Variants in PIK3R4 observed in about 807,000 individuals in gnomAD.
The protein encoded by PIK3R4 is phosphoinositide-3-kinase regulatory subunit 4.
PIK3R4 carries 46 observed loss-of-function variants against 136.5 expected under a neutral mutation model. The ratio of observed to expected loss-of-function variants is 0.34; its 90% CI spans 0.27 to 0.43. The LOEUF (loss-of-function observed/expected upper bound fraction) is 0.43, where lower values mean the gene tolerates loss of function less well. PIK3R4 is among the 20% of genes least tolerant of loss of function. The probability of loss-of-function intolerance (pLI) is 1.00; values close to 1 mark genes in which losing one functional copy is unlikely to be tolerated. For synonymous variants in PIK3R4, 557 were observed against 566.7 expected (o/e 0.98, Z 0.24); for missense variants, 1,331 against 1,649.5 (o/e 0.81, Z 3.35).
At position 130,684,361 on chromosome 3, in the gene PIK3R4, C is replaced by T. The variant is rs2066476730; in HGVS notation, c.3496G>A (p.Ala1166Thr). ...AACTGGAACCTCATGTCCCAACAAG[C>T]CATGGTACCACTGCTTGTACCTTAA... ...LCIGTSSGTM[A>T]CWDMRFQLPI... The change falls in exon 16 of 20, where the codon GCT (alanine) becomes ACT (threonine). Residue 1166 changes from alanine to threonine, a missense_variant. Ala to Thr is a moderately conservative substitution (Grantham distance 58). This residue lies in a region of PIK3R4 where 1,180 missense variants were observed against 1,407.0 expected (regional missense o/e 0.84). Transcript: ENST00000356763. 1.2e-6 allele frequency: 2 copies of T among 1,613,334 alleles called. No individual in the cohort carries two copies. The highest frequency in any genetic ancestry group is 2.2e-5 in the South Asian group (2 of 91,048).
chr3:130,680,855 G>A, intron 18 of PIK3R4, 122 bp downstream of exon 18: 1 of 753,134 alleles, frequency 1.3e-6, no homozygotes, highest in Non-Finnish European at 2.2e-6. Context: ...GCATACCATT[G>A]GTTACAAATA....
intron 14 of PIK3R4, among the ~76,000 whole-genome samples, chr3:130,687,669 C>G (rs1362435585): frequency 6.6e-6 from 1 of 152,158 alleles, no homozygotes; most frequent in East Asian, 1.9e-4. Context: ...ACTATGGATT[C>G]ACAGATATTT....
chr3:130,736,920 G>C (rs1453159705), intron 2 of PIK3R4, among the ~76,000 whole-genome samples: 1 of 152,194 alleles, frequency 6.6e-6, no homozygotes, highest in Admixed American at 6.5e-5. Flanking sequence ...GGAAAAGAGA[G>C]ATAACTCTCG....
At chr3:130,718,563 A>G in intron 7 of PIK3R4, 29 bp from the exon 8 acceptor site, 1 of 1,611,374 alleles carries the variant, frequency 6.2e-7, no homozygotes, top group Non-Finnish European at 8.5e-7. Flanking sequence ...GGTAGGGATC[A>G]AATAAGTTAT....
intron 9 of PIK3R4, among the ~76,000 whole-genome samples, 197 bp downstream of exon 9, chr3:130,716,199 C>T (rs2066663722): frequency 1.3e-5 from 2 of 152,176 alleles, no homozygotes; most frequent in South Asian, 4.1e-4. Context: ...TTTAGCTTAA[C>T]CTGATACCTT....
In PIK3R4 at chr3:130,745,105, A is replaced by T; in HGVS notation, c.114T>A (p.Phe38Leu). The T allele has an allele frequency of 6.2e-7, 1 of 1,613,956 alleles. No individual in the cohort carries two copies. Among genetic ancestry groups the T allele is most frequent in the Non-Finnish European group, 8.5e-7 (1 of 1,179,998 alleles). The change falls in exon 2 of 20, where the codon TTT becomes TTA. Residue 38 changes from phenylalanine (F) to leucine (L), a missense_variant. By Grantham distance (22) the Phe-to-Leu change is conservative. Transcript: ENST00000356763. The stretch of plus-strand genomic sequence containing the variant: ...CTCGGTGCTTGGCTCGAGCAACTTT[A>T]AAAAACCGAGTACTCCCCAGGCTTT... ...YDKSLGSTRF[F>L]KVARAKHREG... is the part of the protein sequence containing the mutation.
chr3:130,680,644 C>T lies in PIK3R4; in HGVS notation c.3875G>A (p.Arg1292Lys). ...AACTTCAGTGCCTTCAATTATTTTC[C>T]TGTAGTAGGACACAGATGGGGAACT... Reference protein sequence around the residue: ...STSSPSVSYYRKIIEGTEVVQ... With the variant: ...STSSPSVSYYKKIIEGTEVVQ... The change falls in exon 19 of 20, where the codon AGG (arginine) becomes AAG (lysine). Residue 1292 changes from arginine to lysine, a missense_variant. Physicochemically the swap from Arg to Lys is conservative, Grantham distance 26. This residue lies in a region of PIK3R4 where 1,180 missense variants were observed against 1,407.0 expected (regional missense o/e 0.84). Coordinates refer to ENST00000356763, the MANE Select transcript of PIK3R4 (RefSeq NM_014602.3). 6.2e-7 allele frequency: 1 copy of T among 1,611,290 alleles called. No individual in the cohort carries two copies. The highest frequency in any genetic ancestry group is 2.2e-5 in the East Asian group (1 of 44,796).
chr3:130,715,535 G>A (rs2066660033), intron 9 of PIK3R4, among the ~76,000 whole-genome samples: 2 of 151,984 alleles, frequency 1.3e-5, no homozygotes, highest in Non-Finnish European at 2.9e-5. Flanking sequence ...TTTTTCATAT[G>A]TTTGTTGGCT....
At chr3:130,703,618 T>C (rs889223590) in intron 13 of PIK3R4, 105 bp downstream of exon 13, 16 of 758,916 alleles carry the variant, frequency 2.1e-5, no homozygotes, top group Non-Finnish European at 2.8e-5. Context: ...CATTTATTGT[T>C]GCTGTATGCC....
intron 14 of PIK3R4, among the ~76,000 whole-genome samples, chr3:130,688,222 T>C (rs1486253602): frequency 6.6e-6 from 1 of 152,182 alleles, no homozygotes; most frequent in African/African-American, 2.4e-5. Flanking sequence ...CATTTACTTA[T>C]TTGTTCAACC....
At chr3:130,719,278 A>C (rs2066685093) in intron 7 of PIK3R4, among the ~76,000 whole-genome samples, 1 of 152,226 alleles carries the variant, frequency 6.6e-6, no homozygotes, top group Non-Finnish European at 1.5e-5. Context: ...TTAGAATAAA[A>C]TCCAAACTTT....
In PIK3R4 at chr3:130,726,402, T is replaced by G. The variant is rs139046832; in HGVS notation, c.1807+2061A>C. On this transcript the variant is annotated intron_variant, in intron 6 of 19. Coordinates refer to ENST00000356763, the MANE Select transcript of PIK3R4 (RefSeq NM_014602.3). ...ATTCATTCTATCCCCCAACAACCAG[T>G]AAGACAGGCACTATTCTTATTTCCA... Among the ~76,000 whole-genome samples, 1,455 of 152,226 alleles carry G rather than the reference T, an allele frequency of 9.6e-3. 30 individuals are homozygous for G. Among genetic ancestry groups the G allele is most frequent in the African/African-American group, 0.032 (1,340 of 41,532 alleles).
intron 13 of PIK3R4, among the ~76,000 whole-genome samples, chr3:130,698,584 G>C (rs1050583495): frequency 2.6e-5 from 4 of 152,066 alleles, no homozygotes; most frequent in Admixed American, 2.0e-4. Flanking sequence ...GTTAGACACT[G>C]TTCTCATACT....
At chr3:130,737,540 A>C (rs1235721260) in intron 2 of PIK3R4, among the ~76,000 whole-genome samples, 1 of 152,096 alleles carries the variant, frequency 6.6e-6, no homozygotes, top group East Asian at 1.9e-4. Flanking sequence ...CACGTTTGTA[A>C]TTCCAGCTAC....
intron 9 of PIK3R4, among the ~76,000 whole-genome samples, chr3:130,711,668 T>C (rs879722358): frequency 1.3e-5 from 2 of 152,210 alleles, no homozygotes; most frequent in Admixed American, 6.5e-5. Flanking sequence ...AATTAAGGGT[T>C]GGTCTGGACC....
chr3:130,680,753 C>A, intron 18 of PIK3R4, 32 bp from the exon 19 acceptor site: 1 of 1,341,538 alleles, frequency 7.5e-7, no homozygotes, highest in Non-Finnish European at 1.1e-6. Flanking sequence ...ATGACAATCT[C>A]TTCAGGACAA....
intron 13 of PIK3R4, among the ~76,000 whole-genome samples, chr3:130,700,601 C>A (rs1427590422): frequency 6.6e-6 from 1 of 152,150 alleles, no homozygotes; most frequent in Non-Finnish European, 1.5e-5. Context: ...TCTAGGTAGT[C>A]CAAATCACCA....
intron 13 of PIK3R4, among the ~76,000 whole-genome samples, chr3:130,694,477 T>C (rs1275923374): frequency 6.6e-6 from 1 of 152,124 alleles, no homozygotes; most frequent in Non-Finnish European, 1.5e-5. Context: ...TTTTTCAGTA[T>C]ACAAATCTTA....
At chr3:130,696,095 CT>C (rs1384554153) in intron 13 of PIK3R4, among the ~76,000 whole-genome samples, 1 of 152,002 alleles carries the variant, frequency 6.6e-6, no homozygotes, top group Non-Finnish European at 1.5e-5. Flanking sequence ...TTTCATAGTA[CT>C]CTTTTTTTAT....
Sources: allele counts gnomAD v4.1 joint callset (sites outside exome capture counted in the v4.1 genomes callset), GRCh38; gene constraint gnomAD v4.1.1; regional missense constraint gnomAD v4.1.1; transcripts MANE v1.5; gene names NCBI Gene and HGNC (gene_info 2026-07-23, HGNC 2026-07-21).